The following SLC8A1 variants were observed in gnomAD, a reference collection of about 807,000 sequenced individuals.
SLC8A1 encodes the protein sodium/calcium exchanger 1.
SLC8A1 carries 18 observed loss-of-function variants against 68.3 expected under a neutral mutation model. The observed-to-expected ratio is 0.26, with a 90% CI of 0.18 to 0.39. The LOEUF is 0.39. Ranked by LOEUF, SLC8A1 falls within the 10% of genes least tolerant of loss-of-function variation. SLC8A1 has a pLI of 1.00. For missense variants in SLC8A1, 985 were observed against 1,156.7 expected (o/e 0.85, Z 2.15); for synonymous variants, 475 against 415.5 (o/e 1.14, Z -1.74).
rs534018498 is a variant in SLC8A1, at chr2:40,464,178, A to C, written c.-24-33874T>G. On this transcript the variant is annotated intron_variant, in intron 1 of 7. Coordinates refer to the SLC8A1 transcript ENST00000402441. Reference sequence around the variant, plus strand: ...CCAAAGTGCTGGGATTACAGGCTTAAGCCACCACACCTGGCCAAAAGAGGA... The same window carrying C: ...CCAAAGTGCTGGGATTACAGGCTTACGCCACCACACCTGGCCAAAAGAGGA... Among the ~76,000 whole-genome samples the C allele has an allele frequency of 1.7e-4, 26 of 152,284 alleles. No homozygotes were observed. In the South Asian group the frequency reaches 2.5e-3, roughly 15 times the overall value.
At chr2:40,351,928 C>T (rs1671223710) in intron 2 of SLC8A1, among the ~76,000 whole-genome samples, 1 of 152,134 alleles carries the variant, frequency 6.6e-6, no homozygotes, top group Non-Finnish European at 1.5e-5. Context: ...CAGACCACTC[C>T]TATGTTATTT....
chr2:40,148,094 C>T (rs994387871), intron 6 of SLC8A1, among the ~76,000 whole-genome samples: 13 of 152,190 alleles, frequency 8.5e-5, no homozygotes, highest in African/African-American at 2.7e-4. Flanking sequence ...TGTAAGCTCA[C>T]TTAGCATTGT....
At chr2:40,189,549 G>A (rs1231932559) in intron 2 of SLC8A1, among the ~76,000 whole-genome samples, 1 of 152,022 alleles carries the variant, frequency 6.6e-6, no homozygotes, top group African/African-American at 2.4e-5. Context: ...TCGAACTCAG[G>A]TAATACCACC....
intron 1 of SLC8A1, among the ~76,000 whole-genome samples, chr2:40,448,271 G>A (rs1281429914): frequency 6.6e-6 from 1 of 152,100 alleles, no homozygotes; most frequent in Non-Finnish European, 1.5e-5. Flanking sequence ...GACAGAGTGG[G>A]GAGGCCAGGG....
chr2:40,299,612 G>C (rs565195161), intron 2 of SLC8A1, among the ~76,000 whole-genome samples: 1 of 152,128 alleles, frequency 6.6e-6, no homozygotes, highest in South Asian at 2.1e-4. Context: ...GACTTGTAAG[G>C]GTGATGATCC....
intron 7 of SLC8A1, among the ~76,000 whole-genome samples, chr2:40,119,729 C>T (rs1489972444): frequency 6.6e-6 from 1 of 152,022 alleles, no homozygotes; most frequent in East Asian, 1.9e-4. Context: ...TGTATTTTTT[C>T]CTTCATCTAT....
intron 2 of SLC8A1, among the ~76,000 whole-genome samples, chr2:40,289,053 T>C (rs959729618): frequency 3.3e-5 from 5 of 151,776 alleles, no homozygotes; most frequent in Non-Finnish European, 7.4e-5. Context: ...CTATAAACCA[T>C]ATTAGTTTCA....
At chr2:40,277,383 C>T (rs13034160) in intron 2 of SLC8A1, among the ~76,000 whole-genome samples, 25,973 of 151,906 alleles carry the variant, frequency 0.17, 2,455 homozygotes, top group East Asian at 0.42. Flanking sequence ...CCACTAAAAA[C>T]ACAAAAATTA....
At chr2:40,117,275 T>C (rs2035648784) in intron 7 of SLC8A1, among the ~76,000 whole-genome samples, 1 of 151,302 alleles carries the variant, frequency 6.6e-6, no homozygotes, top group South Asian at 2.1e-4. Flanking sequence ...CTGGGCACGG[T>C]AGCTCATGCC....
At chr2:40,216,940 C>T (rs2057584518) in intron 2 of SLC8A1, among the ~76,000 whole-genome samples, 1 of 152,160 alleles carries the variant, frequency 6.6e-6, no homozygotes, top group Non-Finnish European at 1.5e-5. Context: ...TTCTCCCATT[C>T]TGTAGGTTGC....
intron 1 of SLC8A1, among the ~76,000 whole-genome samples, chr2:40,496,182 A>G (rs1451324142): frequency 6.6e-6 from 1 of 152,030 alleles, no homozygotes. Flanking sequence ...TGACTCTGGT[A>G]CCTTTGGGAT....
At chr2:40,467,514 A>G (rs1559751562) in intron 1 of SLC8A1, among the ~76,000 whole-genome samples, 2 of 152,126 alleles carry the variant, frequency 1.3e-5, no homozygotes, top group African/African-American at 4.8e-5. Context: ...AAACATTGGC[A>G]GCTGCTATTG....
chr2:40,278,234 G>T (rs2067023603), intron 2 of SLC8A1, among the ~76,000 whole-genome samples: 1 of 152,106 alleles, frequency 6.6e-6, no homozygotes, highest in African/African-American at 2.4e-5. Flanking sequence ...ACTTTGGGAG[G>T]CCGAGGCGTG....
At chr2:40,499,792 A>T (rs2149934575) in intron 1 of SLC8A1, among the ~76,000 whole-genome samples, 1 of 152,222 alleles carries the variant, frequency 6.6e-6, no homozygotes, top group Non-Finnish European at 1.5e-5. Context: ...TTCTGTGTCA[A>T]TAACCGAGTC....
rs114363277 is a variant in SLC8A1 at position 40,331,380 on chromosome 2, C to A, written c.1808+97093G>T. The stretch of plus-strand genomic sequence containing the variant: ...AATCATAAAACACACACACATAATG[C>A]CTACTATATTTGGTACTTGTCTGTA... On this transcript the variant is annotated intron_variant, in intron 2 of 7. Coordinates refer to ENST00000406785, the Ensembl canonical transcript of SLC8A1. Among the ~76,000 whole-genome samples the A allele has an allele frequency of 4.6e-3, 693 of 152,064 alleles. 4 individuals carry two copies. Among genetic ancestry groups the A allele is most frequent in the African/African-American group, 0.016 (665 of 41,468 alleles).
Position 40,423,009 on chromosome 2 carries a change from C to T in SLC8A1, c.1808+5464G>A, listed in dbSNP as rs914808100. ...GAACGGGAAAACAATACGATAATAC[C>T]ATTAGTCTTCCAAATTTTGTTTCTA... On this transcript the variant is annotated intron_variant, in intron 2 of 7. Transcript: ENST00000406785. Among the ~76,000 whole-genome samples, 32 of 151,982 alleles carry T rather than the reference C, an allele frequency of 2.1e-4. No homozygotes were observed. In the East Asian group the frequency reaches 6.2e-3, roughly 29 times the overall value.
At chr2:40,345,518 G>C (rs549825187) in intron 2 of SLC8A1, among the ~76,000 whole-genome samples, 1 of 152,098 alleles carries the variant, frequency 6.6e-6, no homozygotes, top group Middle Eastern at 3.4e-3. Context: ...CTCTGAGATG[G>C]ACAGGGCCAC....
At chr2:40,481,870 CT>C (rs1704649715) in intron 1 of SLC8A1, among the ~76,000 whole-genome samples, 1 of 152,010 alleles carries the variant, frequency 6.6e-6, no homozygotes, top group Non-Finnish European at 1.5e-5. Context: ...CTTCTATACC[CT>C]TTTAGTTGGT....
intron 2 of SLC8A1, among the ~76,000 whole-genome samples, chr2:40,243,700 T>C (rs1479083157): frequency 6.6e-6 from 1 of 152,132 alleles, no homozygotes; most frequent in Non-Finnish European, 1.5e-5. Flanking sequence ...GGGTATTGCA[T>C]TTTTCCTTTG....
Sources: gnomAD v4.1 joint callset for allele counts (sites outside exome capture counted in the v4.1 genomes callset) on GRCh38, gnomAD v4.1.1 for gene constraint, MANE v1.5 for transcripts, NCBI Gene and HGNC (gene_info 2026-07-23, HGNC 2026-07-21) for gene names.